SLC16A2: variants seen among roughly 807,000 people sequenced by gnomAD.
SLC16A2 encodes monocarboxylate transporter 8.
SLC16A2 carries 3 observed loss-of-function variants against 27.2 expected under a neutral mutation model. The ratio of observed to expected loss-of-function variants is 0.11; its 90% CI spans 0.05 to 0.28. The LOEUF (loss-of-function observed/expected upper bound fraction) is 0.28. Ranked by LOEUF, SLC16A2 falls within the 10% of genes least tolerant of loss-of-function variation. The pLI is 1.00. For synonymous variants in SLC16A2, 202 were observed against 187.8 expected, an observed-to-expected ratio of 1.08 and a Z score of -0.62; for missense variants, 295 against 458.5, an observed-to-expected ratio of 0.64 and a Z score of 3.26.
At chrX:74,499,505 G>T (rs1318681307) in intron 1 of SLC16A2, among the ~76,000 whole-genome samples, 1 of 103,181 alleles carries the variant, frequency 9.7e-6, no homozygotes, top group Non-Finnish European at 2.0e-5. Context: ...CCAGGCTGGA[G>T]TTCAGTGGCC....
chrX:74,528,845 C>T (rs1383377423), intron 4 of SLC16A2, among the ~76,000 whole-genome samples: 1 of 111,874 alleles, frequency 8.9e-6, no homozygotes, highest in Non-Finnish European at 1.9e-5. Flanking sequence ...CCGGTATGGC[C>T]TGATCCCAGA....
chrX:74,518,694 T>A (rs1930357212), intron 1 of SLC16A2, among the ~76,000 whole-genome samples: 1 of 112,370 alleles, frequency 8.9e-6, no homozygotes, highest in African/African-American at 3.2e-5. Flanking sequence ...ATGTTGAGCA[T>A]CTTTTTATAT....
chrX:74,422,200 C>T, intron 1 of SLC16A2, 133 bp downstream of exon 1: 1 of 634,430 alleles, frequency 1.6e-6, no homozygotes, highest in Non-Finnish European at 2.5e-6. Context: ...CCCCTTACCC[C>T]TTGCCCCTTG....
At chrX:74,491,834 A>G (rs1220277705) in intron 1 of SLC16A2, among the ~76,000 whole-genome samples, 1 of 112,684 alleles carries the variant, frequency 8.9e-6, no homozygotes, top group African/African-American at 3.2e-5. Context: ...TGATATTTAA[A>G]TGAATTTCGC....
intron 1 of SLC16A2, among the ~76,000 whole-genome samples, chrX:74,428,962 G>C (rs1162885337): frequency 9.0e-6 from 1 of 111,278 alleles, no homozygotes; most frequent in Non-Finnish European, 1.9e-5. Context: ...CGTGTTTCTG[G>C]TTCATTCTAT....
intron 1 of SLC16A2, among the ~76,000 whole-genome samples, chrX:74,499,101 C>T (rs1929985127): frequency 8.9e-6 from 1 of 112,350 alleles, no homozygotes; most frequent in Non-Finnish European, 1.9e-5. Context: ...TCTAAGTCCT[C>T]TTCTTGGCTG....
intron 1 of SLC16A2, among the ~76,000 whole-genome samples, chrX:74,457,503 C>T (rs949718756): frequency 2.7e-5 from 3 of 111,647 alleles, no homozygotes; most frequent in African/African-American, 9.8e-5. Flanking sequence ...GTCACCAATG[C>T]TGTCCTTGAG....
intron 1 of SLC16A2, among the ~76,000 whole-genome samples, chrX:74,428,257 C>T (rs765563622): frequency 1.5e-3 from 166 of 110,875 alleles, no homozygotes; most frequent in Non-Finnish European, 2.3e-3. Flanking sequence ...AATGTGAAAT[C>T]GCTTGACACC....
At chrX:74,438,717 C>T (rs754747919) in intron 1 of SLC16A2, among the ~76,000 whole-genome samples, 33 of 111,724 alleles carry the variant, frequency 3.0e-4, no homozygotes, top group South Asian at 3.8e-4. Flanking sequence ...TCCAGTTTTC[C>T]GGGGGTCTGA....
intron 1 of SLC16A2, among the ~76,000 whole-genome samples, chrX:74,430,343 G>C (rs1236577153): frequency 1.8e-5 from 2 of 111,920 alleles, no homozygotes; most frequent in East Asian, 5.6e-4. Flanking sequence ...CTAAGACATA[G>C]TGAAGGTGTA....
intron 1 of SLC16A2, among the ~76,000 whole-genome samples, chrX:74,504,570 G>A (rs999479148): frequency 3.6e-5 from 4 of 112,245 alleles, no homozygotes; most frequent in African/African-American, 1.3e-4. Context: ...AGTCATACAA[G>A]CCAGGTCTCT....
At chrX:74,466,590 GTACA>G (rs1929255169) in intron 1 of SLC16A2, among the ~76,000 whole-genome samples, 1 of 112,079 alleles carries the variant, frequency 8.9e-6, no homozygotes, top group African/African-American at 3.2e-5. Context: ...AAAAAAGTCT[GTACA>G]TGTTTAGCAC....
intron 1 of SLC16A2, among the ~76,000 whole-genome samples, chrX:74,437,654 G>A (rs1928651512): frequency 8.9e-6 from 1 of 112,151 alleles, no homozygotes; most frequent in African/African-American, 3.2e-5. Context: ...GAGGTCAGCA[G>A]GACTCCAGAC....
chrX:74,518,191 G>A (rs1292079316), intron 1 of SLC16A2, among the ~76,000 whole-genome samples: 1 of 112,400 alleles, frequency 8.9e-6, no homozygotes, highest in Non-Finnish European at 1.9e-5. Flanking sequence ...CTTCACAGGA[G>A]GCTGCCAAAC....
intron 1 of SLC16A2, among the ~76,000 whole-genome samples, chrX:74,498,630 T>C (rs114646194): frequency 3.6e-5 from 4 of 112,158 alleles, no homozygotes; most frequent in African/African-American, 1.3e-4. Flanking sequence ...TGCAATAGCA[T>C]GGTCTCAGTG....
chrX:74,470,086 A>G (rs962309238), intron 1 of SLC16A2, among the ~76,000 whole-genome samples: 1 of 111,201 alleles, frequency 9.0e-6, no homozygotes, highest in African/African-American at 3.3e-5. Context: ...GCCTTTTCAG[A>G]TTGGTGTCTT....
At chrX:74,503,201 T>A (rs752213880) in intron 1 of SLC16A2, among the ~76,000 whole-genome samples, 2 of 110,548 alleles carry the variant, frequency 1.8e-5, no homozygotes, top group Non-Finnish European at 3.8e-5. Context: ...CAAATCCCTC[T>A]TGTTCTAAAG....
At chrX:74,474,941 C>G (rs1439442688) in intron 1 of SLC16A2, among the ~76,000 whole-genome samples, 1 of 110,706 alleles carries the variant, frequency 9.0e-6, no homozygotes, top group Non-Finnish European at 1.9e-5. Flanking sequence ...AATAACCATA[C>G]GTGTGCATGT....
intron 1 of SLC16A2, among the ~76,000 whole-genome samples, chrX:74,447,545 G>A (rs7052490): frequency 9.6e-4 from 106 of 110,244 alleles, no homozygotes; most frequent in African/African-American, 3.3e-3. Context: ...ATGGTGGCTC[G>A]CACACTGTAG....
Sources: allele counts gnomAD v4.1 joint callset (sites outside exome capture counted in the v4.1 genomes callset), GRCh38; gene constraint gnomAD v4.1.1; transcripts MANE v1.5; gene names NCBI Gene and HGNC (gene_info 2026-07-23, HGNC 2026-07-21).